Variants in ARHGAP15 observed in about 807,000 individuals in gnomAD.
ARHGAP15 encodes Rho GTPase activating protein 15.
Under a neutral mutation model 63.7 loss-of-function variants are expected in ARHGAP15, and 51 were observed. That is an observed-to-expected ratio of 0.80 (90% confidence interval 0.64 to 1.01). The LOEUF (loss-of-function observed/expected upper bound fraction) is 1.01. Among genes scored for constraint, ARHGAP15 ranks in the 50% least tolerant of loss-of-function variants. The pLI is 0.00. For synonymous variants in ARHGAP15, 191 were observed against 193.8 expected, an observed-to-expected ratio of 0.99 and a Z score of 0.12; for missense variants, 560 against 564.6, an observed-to-expected ratio of 0.99 and a Z score of 0.08.
Position 143,456,566 on chromosome 2 carries a change from G to T in ARHGAP15, c.703+19524G>T, listed in dbSNP as rs368926362. Reference sequence around the variant, plus strand: ...GTATGAATTAAAAAAATAAAATTTTGTATTCACCATGAGCTGTTCTAAGCA... The same window carrying T: ...GTATGAATTAAAAAAATAAAATTTTTTATTCACCATGAGCTGTTCTAAGCA... On this transcript the variant is annotated intron_variant, in intron 8 of 13. Transcript: ENST00000295095. 2.1e-4 allele frequency among the ~76,000 whole-genome samples: 32 copies of T among 151,942 alleles called. 1 individual carries two copies. In the East Asian group the frequency reaches 5.6e-3, roughly 27 times the overall value.
chr2:143,234,819 T>C (rs896543416), intron 5 of ARHGAP15, among the ~76,000 whole-genome samples: 5 of 152,168 alleles, frequency 3.3e-5, no homozygotes, highest in African/African-American at 9.7e-5. Context: ...AAAAATGCAG[T>C]TGTGTTACTT....
chr2:143,526,014 G>A (rs1454220207), intron 10 of ARHGAP15, among the ~76,000 whole-genome samples: 1 of 152,106 alleles, frequency 6.6e-6, no homozygotes, highest in Non-Finnish European at 1.5e-5. Flanking sequence ...CTGCTTTGCT[G>A]TTCCAGAGAA....
intron 6 of ARHGAP15, among the ~76,000 whole-genome samples, chr2:143,297,179 G>A (rs746933492): frequency 2.0e-5 from 3 of 151,912 alleles, no homozygotes; most frequent in Non-Finnish European, 2.9e-5. Flanking sequence ...TTAAGCCTTA[G>A]CAAGAGAGGG....
intron 2 of ARHGAP15, among the ~76,000 whole-genome samples, chr2:143,187,120 A>G (rs1691480510): frequency 1.3e-5 from 2 of 152,214 alleles, no homozygotes; most frequent in Admixed American, 1.3e-4. Context: ...GTCTAGAAAG[A>G]TAAACATAGA....
At chr2:143,657,279 G>A (rs1457202668) in intron 12 of ARHGAP15, among the ~76,000 whole-genome samples, 2 of 152,202 alleles carry the variant, frequency 1.3e-5, no homozygotes, top group African/African-American at 2.4e-5. Flanking sequence ...CCCTGGAGGC[G>A]GAGCTTGCAG....
intron 12 of ARHGAP15, among the ~76,000 whole-genome samples, chr2:143,654,878 G>A (rs375123617): frequency 1.3e-5 from 2 of 152,278 alleles, no homozygotes; most frequent in African/African-American, 2.4e-5. Context: ...CAAGAGGATT[G>A]CTTGGGACCA....
At chr2:143,511,199 A>G (rs1271473230) in intron 9 of ARHGAP15, among the ~76,000 whole-genome samples, 1 of 152,246 alleles carries the variant, frequency 6.6e-6, no homozygotes, top group Non-Finnish European at 1.5e-5. Flanking sequence ...CTAGTTAAAC[A>G]CTAATTCATT....
chr2:143,711,730 A>G (rs1684589927), intron 13 of ARHGAP15, among the ~76,000 whole-genome samples: 1 of 152,134 alleles, frequency 6.6e-6, no homozygotes, highest in African/African-American at 2.4e-5. Flanking sequence ...GGAATTCCAG[A>G]TCAGCCTGGG....
At chr2:143,617,691 C>T (rs966098117) in intron 11 of ARHGAP15, among the ~76,000 whole-genome samples, 1 of 152,162 alleles carries the variant, frequency 6.6e-6, no homozygotes, top group Non-Finnish European at 1.5e-5. Context: ...CAATTCAGCA[C>T]ATAACAGGCA....
intron 6 of ARHGAP15, among the ~76,000 whole-genome samples, chr2:143,332,456 A>G (rs1331055261): frequency 6.6e-6 from 1 of 152,160 alleles, no homozygotes; most frequent in East Asian, 1.9e-4. Flanking sequence ...TGTATCTAAT[A>G]GGCCTATTCA....
intron 8 of ARHGAP15, among the ~76,000 whole-genome samples, chr2:143,445,746 C>T (rs569445716): frequency 2.1e-4 from 32 of 152,258 alleles, no homozygotes; most frequent in African/African-American, 7.5e-4. Flanking sequence ...TCCATTCTAA[C>T]ACCCTATTTT....
intron 12 of ARHGAP15, among the ~76,000 whole-genome samples, chr2:143,638,028 T>C (rs62170261): frequency 4.9e-4 from 72 of 148,124 alleles, no homozygotes; most frequent in African/African-American, 1.7e-3. Flanking sequence ...TGTGGAGAAA[T>C]AGGAACACTT....
intron 11 of ARHGAP15, chr2:143,607,594 T>C (rs973223204): frequency 2.6e-5 from 4 of 151,792 alleles, no homozygotes; most frequent in Non-Finnish European, 5.9e-5. Context: ...AGATCTTTCA[T>C]TTGTGAATTG....
At chr2:143,546,912 C>T (rs1433296281) in intron 10 of ARHGAP15, among the ~76,000 whole-genome samples, 2 of 152,002 alleles carry the variant, frequency 1.3e-5, no homozygotes, top group African/African-American at 4.8e-5. Flanking sequence ...GTCTTCAAGA[C>T]TAAGATTTTT....
intron 11 of ARHGAP15, chr2:143,608,880 A>T (rs1698149422): frequency 6.6e-6 from 1 of 152,184 alleles, no homozygotes. Flanking sequence ...TCATGAGTTA[A>T]TTATGTTAAC....
At chr2:143,711,507 T>C (rs891335932) in intron 13 of ARHGAP15, among the ~76,000 whole-genome samples, 1 of 152,136 alleles carries the variant, frequency 6.6e-6, no homozygotes, top group African/African-American at 2.4e-5. Context: ...AAAGAAATGG[T>C]GAGTCCTCTG....
chr2:143,730,471 A>C (rs1418388300), intron 13 of ARHGAP15, among the ~76,000 whole-genome samples: 1 of 152,220 alleles, frequency 6.6e-6, no homozygotes. Context: ...GTTGAGGCTT[A>C]AATATCCTAA....
intron 13 of ARHGAP15, among the ~76,000 whole-genome samples, chr2:143,760,100 T>C (rs923664112): frequency 6.6e-6 from 1 of 152,220 alleles, no homozygotes; most frequent in Non-Finnish European, 1.5e-5. Context: ...CTCATTGCAC[T>C]ATCCCTAATA....
chr2:143,443,985 C>A (rs1004708177), intron 8 of ARHGAP15, among the ~76,000 whole-genome samples: 1 of 152,114 alleles, frequency 6.6e-6, no homozygotes, highest in Admixed American at 6.6e-5. Context: ...CTCTTCTTTC[C>A]CATCTAAGGG....
Sources: gnomAD v4.1 joint callset for allele counts (sites outside exome capture counted in the v4.1 genomes callset) on GRCh38, gnomAD v4.1.1 for gene constraint, MANE v1.5 for transcripts, NCBI Gene and HGNC (gene_info 2026-07-23, HGNC 2026-07-21) for gene names.